SYCP1: variants seen among roughly 807,000 people sequenced by gnomAD.
SYCP1 encodes the protein synaptonemal complex protein 1, also known as cancer/testis antigen 8.
A neutral mutation model predicts 153.1 loss-of-function variants in SYCP1; 64 were observed. That is an observed-to-expected ratio of 0.42 (90% CI 0.34 to 0.51). The LOEUF is 0.51. Ranked by LOEUF, SYCP1 falls within the 20% of genes least tolerant of loss-of-function variation. SYCP1 has a pLI of 0.06. For synonymous variants in SYCP1, 384 were observed against 341.8 expected (o/e 1.12, Z -1.36); for missense variants, 997 against 1,049.0 (o/e 0.95, Z 0.68).
Position 114,913,070 on chromosome 1 carries a change from C to T in SYCP1, c.1567C>T (p.Leu523Phe), listed in dbSNP as rs201193175. Residue 523 changes from leucine to phenylalanine, a missense_variant, in exon 19 of 32, where the codon CTT (leucine) becomes TTT (phenylalanine). Physicochemically the swap from Leu to Phe is conservative, Grantham distance 22 (BLOSUM62 0). This residue lies in a region of SYCP1 where 712 missense variants were observed against 682.9 expected (regional missense o/e 1.04). Coordinates refer to ENST00000369522, the MANE Select transcript of SYCP1 (RefSeq NM_003176.4). ...NTELTSHCNK[L>F]SLENKELTQE... ...TGAATTAACTTCACACTGCAACAAG[C>T]TTTCACTAGAAAACAAAGAGCTCAC... 5.0e-6 allele frequency: 8 copies of T among 1,612,040 alleles called. No individual in the cohort carries two copies. Among genetic ancestry groups the T allele is most frequent in the African/African-American group, 1.3e-5 (1 of 74,878 alleles).
intron 8 of SYCP1, among the ~76,000 whole-genome samples, chr1:114,872,318 C>T (rs1275575268): frequency 6.6e-6 from 1 of 152,200 alleles, no homozygotes. Context: ...TCTCAAATTA[C>T]AGAATTCTGT....
rs113050357 is a variant in SYCP1 at position 114,863,551 on chromosome 1, CA to C, written c.598+2753del. 3.9e-4 allele frequency among the ~76,000 whole-genome samples: 57 copies of C among 145,150 alleles called. No homozygotes were observed. The East Asian group carries it at 4.6e-3, about 12-fold the overall frequency. On this transcript the variant is annotated intron_variant, in intron 8 of 31. Transcript: ENST00000369522. ...CTGGCAACAGAGCAAGAGCCCGTCTCAAAAAAAAAAAGTTCCTATTTCTCCA... is the reference window on the plus strand; with the variant it reads ...CTGGCAACAGAGCAAGAGCCCGTCTCAAAAAAAAAAGTTCCTATTTCTCCA...
intron 8 of SYCP1, among the ~76,000 whole-genome samples, chr1:114,861,140 A>G (rs1039432737): frequency 1.1e-4 from 17 of 152,164 alleles, no homozygotes; most frequent in Non-Finnish European, 2.4e-4. Context: ...CCATGCTCGT[A>G]ATAGAAAATA....
At chr1:114,857,562 A>G (rs1261637607) in intron 5 of SYCP1, 65 bp downstream of exon 5, 4 of 1,157,242 alleles carry the variant, frequency 3.5e-6, no homozygotes, top group Non-Finnish European at 3.6e-6. Flanking sequence ...ACCTATATGT[A>G]TATTTCTTTT....
At chr1:114,912,889 G>T in intron 18 of SYCP1, 144 bp from the exon 19 acceptor site, 2 of 592,214 alleles carry the variant, frequency 3.4e-6, no homozygotes. Flanking sequence ...CCAGCTTCAG[G>T]AATTATAAAC....
intron 16 of SYCP1, among the ~76,000 whole-genome samples, chr1:114,906,963 T>C (rs1228148343): frequency 1.3e-5 from 2 of 152,174 alleles, no homozygotes; most frequent in African/African-American, 4.8e-5. Flanking sequence ...TGTTTATTTA[T>C]CTATTTAATT....
At chr1:114,994,616 C>G (rs1293300833) in intron 30 of SYCP1, 82 bp from the exon 31 acceptor site, 1 of 1,070,496 alleles carries the variant, frequency 9.3e-7, no homozygotes, top group East Asian at 2.8e-5. Flanking sequence ...GTTCTCCTCA[C>G]ATGTGATATG....
intron 27 of SYCP1, among the ~76,000 whole-genome samples, chr1:114,975,833 T>C (rs1672763651): frequency 6.6e-6 from 1 of 151,844 alleles, no homozygotes; most frequent in Admixed American, 6.6e-5. Flanking sequence ...GAGAGAGAGA[T>C]TCAAAGTTGG....
chr1:114,967,190 C>A (rs186762849), intron 27 of SYCP1, among the ~76,000 whole-genome samples: 45 of 152,254 alleles, frequency 3.0e-4, no homozygotes, highest in African/African-American at 1.1e-3. Context: ...TCTATTAGGT[C>A]TGTTTGGTCC....
At chr1:114,895,184 T>C (rs1187955484) in intron 15 of SYCP1, among the ~76,000 whole-genome samples, 1 of 152,098 alleles carries the variant, frequency 6.6e-6, no homozygotes, top group Admixed American at 6.5e-5. Flanking sequence ...AAATATATTT[T>C]ATATAGATTT....
chr1:114,902,994 G>A (rs1293789223), intron 16 of SYCP1, among the ~76,000 whole-genome samples: 1 of 151,980 alleles, frequency 6.6e-6, no homozygotes, highest in African/African-American at 2.4e-5. Flanking sequence ...GGCCTAGACA[G>A]TATGGCAAAA....
intron 6 of SYCP1, 107 bp downstream of exon 6, chr1:114,858,818 T>G (rs1296356403): frequency 3.0e-6 from 3 of 996,090 alleles, no homozygotes; most frequent in Non-Finnish European, 4.4e-6. Context: ...GTTTTTGTGA[T>G]GAATATTTTA....
At chr1:114,946,888 C>A (rs1670741303) in intron 26 of SYCP1, among the ~76,000 whole-genome samples, 1 of 152,020 alleles carries the variant, frequency 6.6e-6, no homozygotes, top group African/African-American at 2.4e-5. Flanking sequence ...TACAGGTGTG[C>A]ATCACCACAC....
Position 114,960,237 on chromosome 1 carries a change from G to A in SYCP1, c.2322+12917G>A, listed in dbSNP as rs539646884. On this transcript the variant is annotated intron_variant, in intron 27 of 31. Transcript: ENST00000369522. ...TGCTGGAGTGCAGTGGTGTGATCTC[G>A]GCTCACTGCAACCTCCACCTCCTGG... is the stretch of plus-strand genomic sequence containing the variant. Among the ~76,000 whole-genome samples the A allele has an allele frequency of 1.1e-3, 158 of 139,110 alleles. 1 individual carries two copies. The highest frequency in any genetic ancestry group is 7.7e-3 in the Admixed American group (100 of 12,944). 91.3% of individuals were successfully genotyped at this position (139,110 alleles called of 152,430 possible). A position where few individuals can be genotyped will look rare whatever the true frequency, so the allele number is the denominator to read the frequency against.
intron 15 of SYCP1, among the ~76,000 whole-genome samples, chr1:114,894,719 A>G (rs545617186): frequency 6.6e-6 from 1 of 152,272 alleles, no homozygotes; most frequent in South Asian, 2.1e-4. Context: ...ATCAAATAGT[A>G]CAAACCTCCA....
chr1:114,931,839 C>CA (rs1403239673), intron 23 of SYCP1, among the ~76,000 whole-genome samples: 2 of 151,956 alleles, frequency 1.3e-5, no homozygotes, highest in Non-Finnish European at 2.9e-5. Flanking sequence ...ATAATTAAGA[C>CA]AATGAGGTAT....
At chr1:114,859,520 A>C (rs1183530718) in intron 6 of SYCP1, among the ~76,000 whole-genome samples, 1 of 152,232 alleles carries the variant, frequency 6.6e-6, no homozygotes, top group Non-Finnish European at 1.5e-5. Context: ...ATATTGTTGA[A>C]TGTTTCTTGG....
intron 28 of SYCP1, among the ~76,000 whole-genome samples, chr1:114,979,209 G>C (rs1288628395): frequency 2.0e-5 from 3 of 149,954 alleles, no homozygotes; most frequent in Non-Finnish European, 3.0e-5. Flanking sequence ...AAACGTTTCT[G>C]AGTTTGGACA....
At chr1:114,884,119 G>A (rs1666140336) in intron 12 of SYCP1, among the ~76,000 whole-genome samples, 1 of 152,102 alleles carries the variant, frequency 6.6e-6, no homozygotes. Context: ...ATCCTTTATT[G>A]TTTTGCATGG....
Sources: gnomAD v4.1 joint callset for allele counts (sites outside exome capture counted in the v4.1 genomes callset) on GRCh38, gnomAD v4.1.1 for gene constraint, gnomAD v4.1.1 regional missense constraint, MANE v1.5 for transcripts, NCBI Gene and HGNC (gene_info 2026-07-23, HGNC 2026-07-21) for gene names.